The following NLRP5 variants were observed in gnomAD, a reference collection of about 807,000 sequenced individuals.
The protein encoded by NLRP5 is NACHT, LRR and PYD domains-containing protein 5.
A neutral mutation model predicts 113.1 loss-of-function variants in NLRP5; 93 were observed. That is an observed-to-expected ratio of 0.82 (90% CI 0.70 to 0.98). The LOEUF (loss-of-function observed/expected upper bound fraction) is 0.98, where lower values mean the gene tolerates loss of function less well. Among genes scored for constraint, NLRP5 ranks in the 50% least tolerant of loss-of-function variants. NLRP5 has a pLI of 0.00. For missense variants in NLRP5, 1,808 were observed against 1,514.3 expected (o/e 1.19, Z -3.22); for synonymous variants, 751 against 600.7 (o/e 1.25, Z -3.66).
At chr19:56,019,882 G>C (rs1982548684) in intron 5 of NLRP5, among the ~76,000 whole-genome samples, 1 of 149,480 alleles carries the variant, frequency 6.7e-6, no homozygotes, top group Non-Finnish European at 1.5e-5. Context: ...TGTCGCCCAA[G>C]CTGTAGTGCA....
At position 56,019,376 on chromosome 19, in the gene NLRP5, A is replaced by C. The variant is rs549172671; in HGVS notation, c.600A>C (p.Thr200=). The stretch of plus-strand genomic sequence containing the variant: ...AAGCTATGGAACAAGAAGGTGCCAC[A>C]GCAGCAGAGACAGAAGAACAAGGTG... The change falls in exon 5 of 15, where the codon ACA becomes ACC. Residue 200 remains threonine (T), a synonymous_variant. Transcript: ENST00000390649. 6.2e-7 allele frequency: 1 copy of C among 1,614,024 alleles called. No individual in the cohort carries two copies. Among genetic ancestry groups the C allele is most frequent in the South Asian group, 1.1e-5 (1 of 91,086 alleles).
intron 12 of NLRP5, among the ~76,000 whole-genome samples, chr19:56,052,838 C>T (rs948051656): frequency 7.9e-5 from 12 of 152,368 alleles, no homozygotes; most frequent in African/African-American, 2.6e-4. Context: ...TTCTCTCCAT[C>T]TTGGCTCTGT....
At chr19:56,007,483 C>G (rs902112480) in intron 2 of NLRP5, among the ~76,000 whole-genome samples, 1 of 150,666 alleles carries the variant, frequency 6.6e-6, no homozygotes, top group African/African-American at 2.5e-5. Context: ...GCGGAGTTGC[C>G]TGAGCATGGT....
upstream of NLRP5, among the ~76,000 whole-genome samples, chr19:55,999,339 C>T (rs567866296): frequency 2.6e-5 from 4 of 151,456 alleles, no homozygotes; most frequent in Admixed American, 6.6e-5. Context: ...CTCAGCCTCC[C>T]GAGTAGCTGG....
At position 56,005,449 on chromosome 19, in the gene NLRP5, A is replaced by G. The variant is rs947411336; in HGVS notation, c.442+1354A>G. ...TACACATATTTATATATACACATATATTTTTATATACACACACACATATTT... is the reference window on the plus strand; with the variant it reads ...TACACATATTTATATATACACATATGTTTTTATATACACACACACATATTT... On this transcript the variant is annotated intron_variant, in intron 2 of 14. Coordinates refer to ENST00000390649, the MANE Select transcript of NLRP5 (RefSeq NM_153447.4). 3.4e-4 allele frequency among the ~76,000 whole-genome samples: 49 copies of G among 144,796 alleles called. 1 individual carries two copies. Among genetic ancestry groups the G allele is most frequent in the African/African-American group, 1.1e-3 (44 of 39,080 alleles). The allele number at this position is 144,796 out of a possible 152,430, so 95.0% of individuals were successfully genotyped here.
chr19:56,033,915 A>G (rs950775141), intron 9 of NLRP5, among the ~76,000 whole-genome samples: 10 of 152,092 alleles, frequency 6.6e-5, no homozygotes, highest in African/African-American at 2.4e-4. Flanking sequence ...ACTTTATCAC[A>G]ATTAAAAAAA....
intron 2 of NLRP5, among the ~76,000 whole-genome samples, chr19:56,007,904 C>CGTGCGTGT (rs1981998735): frequency 9.1e-6 from 1 of 110,148 alleles, no homozygotes; most frequent in African/African-American, 3.3e-5. Context: ...TGCGCGCGTG[C>CGTGCGTGT]GTGTGTGTGT....
At chr19:56,014,268 C>G (rs933824669) in intron 3 of NLRP5, among the ~76,000 whole-genome samples, 9 of 152,058 alleles carry the variant, frequency 5.9e-5, no homozygotes, top group Non-Finnish European at 1.3e-4. Flanking sequence ...ATCACAAGAT[C>G]AGGATATCCA....
chr19:55,996,387 A>G (rs1439291887), upstream of NLRP5, among the ~76,000 whole-genome samples: 2 of 152,126 alleles, frequency 1.3e-5, no homozygotes, highest in Non-Finnish European at 2.9e-5. Context: ...GTTCTAGGGT[A>G]CATGTGCACA....
the NLRP5 span, among the ~76,000 whole-genome samples, chr19:55,990,082 T>TTCTTTTC: frequency 2.9e-4 from 6 of 21,032 alleles, no homozygotes; most frequent in African/African-American, 1.3e-3. Flanking sequence ...CTTTTTTCTT[T>TTCTTTTC]TTTTTTTTTT....
chr19:55,991,293 C>T, the NLRP5 span, among the ~76,000 whole-genome samples: 17 of 152,158 alleles, frequency 1.1e-4, no homozygotes, highest in African/African-American at 3.9e-4. Context: ...GACCTTCTAT[C>T]GTAGATGTTA....
Position 56,027,339 on chromosome 19 carries a change from C to T in NLRP5, c.1106C>T (p.Ser369Phe), listed in dbSNP as rs908824689. The T allele has an allele frequency of 6.2e-7, 1 of 1,612,950 alleles. No homozygotes were observed. Among genetic ancestry groups the T allele is most frequent in the Non-Finnish European group, 8.5e-7 (1 of 1,179,848 alleles). ...ATTGACGGTTTCGATGACCTGGGCT[C>T]TGTCCTCAACAATGACACAAAGCTC... The change falls in exon 7 of 15, where the codon TCT (serine) becomes TTT (phenylalanine). Residue 369 changes from serine to phenylalanine, a missense_variant. Transcript: ENST00000390649.
intron 11 of NLRP5, among the ~76,000 whole-genome samples, chr19:56,048,156 G>GT (rs1983796450): frequency 1.3e-5 from 2 of 152,114 alleles, no homozygotes. Flanking sequence ...TGGTTGGTGA[G>GT]TTTTTTATTC....
chr19:56,007,032 C>T lies in NLRP5; in HGVS notation c.443-1756C>T, dbSNP rs201726727. Among the ~76,000 whole-genome samples, 5 of 151,128 alleles carry T rather than the reference C, an allele frequency of 3.3e-5. No homozygotes were observed. The East Asian group carries it at 7.9e-4, about 24-fold the overall frequency. On this transcript the variant is annotated intron_variant, in intron 2 of 14. Coordinates refer to ENST00000390649, the MANE Select transcript of NLRP5 (RefSeq NM_153447.4). The stretch of plus-strand genomic sequence containing the variant: ...GGGATTACAGGTGTGAGCCACTGTG[C>T]CTGGCCTAAAATAAAATTTTTTAAA...
At chr19:55,998,424 C>A (rs934616292), upstream of NLRP5, among the ~76,000 whole-genome samples, 1 of 151,884 alleles carries the variant, frequency 6.6e-6, no homozygotes, top group Non-Finnish European at 1.5e-5. Context: ...GAGGCCGAGG[C>A]GGGTGGGCCA....
At chr19:56,023,369 G>A (rs969240640) in intron 6 of NLRP5, among the ~76,000 whole-genome samples, 5 of 152,258 alleles carry the variant, frequency 3.3e-5, no homozygotes, top group Admixed American at 2.0e-4. Context: ...GTTTCAACAC[G>A]GCTCTGTTAA....
chr19:56,004,558 C>T (rs755634836), intron 2 of NLRP5, among the ~76,000 whole-genome samples: 6 of 152,156 alleles, frequency 3.9e-5, no homozygotes, highest in East Asian at 3.9e-4. Flanking sequence ...TGGTTTGGTG[C>T]GAGTCTCGTG....
At chr19:56,012,042 T>A (rs1440706420) in intron 3 of NLRP5, among the ~76,000 whole-genome samples, 3 of 152,128 alleles carry the variant, frequency 2.0e-5, no homozygotes, top group African/African-American at 7.2e-5. Flanking sequence ...TCTTACATGG[T>A]GAATCTATTT....
rs367730474 is a variant in NLRP5, at chr19:56,027,951, A to G, written c.1718A>G (p.Asp573Gly). Residue 573 changes from aspartate (D) to glycine (G), a missense_variant, in exon 7 of 15, where the codon GAC becomes GGC. By Grantham distance (94) the Asp-to-Gly change is moderately conservative. Transcript: ENST00000390649. ...TTTCACATGAACATCCTTCTCCCAG[A>G]CAGCCACTGTGAGGAGTACTACACC... 9.9e-6 allele frequency: 16 copies of G among 1,613,726 alleles called. No homozygotes were observed. Among genetic ancestry groups the G allele is most frequent in the Non-Finnish European group, 1.4e-5 (16 of 1,179,844 alleles).
Sources: gnomAD v4.1 joint callset for allele counts (sites outside exome capture counted in the v4.1 genomes callset) on GRCh38, gnomAD v4.1.1 for gene constraint, MANE v1.5 for transcripts, NCBI Gene and HGNC (gene_info 2026-07-23, HGNC 2026-07-21) for gene names.